NAALADL2: variants seen among roughly 807,000 people sequenced by gnomAD.
NAALADL2 encodes the protein inactive N-acetylated-alpha-linked acidic dipeptidase-like protein 2.
A neutral mutation model predicts 87.2 loss-of-function variants in NAALADL2; 76 were observed. That is an observed-to-expected ratio of 0.87 (90% confidence interval 0.72 to 1.05). NAALADL2 has a LOEUF of 1.05. Ranked by LOEUF, NAALADL2 falls within the 50% of genes least tolerant of loss-of-function variation. NAALADL2 has a pLI of 0.00. For missense variants in NAALADL2, 1,089 were observed against 945.8 expected (o/e 1.15, Z -1.99); for synonymous variants, 354 against 331.0 (o/e 1.07, Z -0.75).
intron 1 of NAALADL2, among the ~76,000 whole-genome samples, chr3:174,537,507 T>C (rs1025746850): frequency 5.3e-5 from 8 of 152,314 alleles, no homozygotes; most frequent in East Asian, 1.9e-4. Flanking sequence ...GTAGTTTACA[T>C]TGAAGACATG....
At chr3:175,754,413 AC>A (rs1746995674) in intron 12 of NAALADL2, among the ~76,000 whole-genome samples, 1 of 152,216 alleles carries the variant, frequency 6.6e-6, no homozygotes, top group Admixed American at 6.5e-5. Flanking sequence ...TCTCAGAATG[AC>A]TTTTAGTAAG....
intron 1 of NAALADL2, among the ~76,000 whole-genome samples, chr3:174,944,389 G>A (rs981380911): frequency 6.6e-6 from 1 of 152,152 alleles, no homozygotes; most frequent in Non-Finnish European, 1.5e-5. Flanking sequence ...GCCAAAGGCT[G>A]TAATGGCTAA....
At chr3:174,831,093 C>A in intron 3 of NAALADL2, among the ~76,000 whole-genome samples, 1 of 151,806 alleles carries the variant, frequency 6.6e-6, no homozygotes, top group Non-Finnish European at 1.5e-5. Context: ...ATTGAATACC[C>A]TTTATTTCCT....
chr3:174,809,959 C>T (rs549947860), intron 3 of NAALADL2, among the ~76,000 whole-genome samples: 2 of 152,202 alleles, frequency 1.3e-5, no homozygotes, highest in East Asian at 3.9e-4. Flanking sequence ...CACCTCCCCC[C>T]TCTCTTGGTC....
chr3:175,718,715 G>C (rs1931171), intron 11 of NAALADL2: 301,011 of 1,416,122 alleles, frequency 0.21, 33,596 homozygotes, highest in African/African-American at 0.36. Flanking sequence ...CACTTGAGGC[G>C]TGGAGATCAA....
chr3:175,278,507 G>C (rs904997136), intron 4 of NAALADL2, among the ~76,000 whole-genome samples: 2 of 152,136 alleles, frequency 1.3e-5, no homozygotes, highest in African/African-American at 4.8e-5. Context: ...ACTCACCATA[G>C]TGATTTTAAA....
chr3:175,227,440 A>T (rs566268558), intron 2 of NAALADL2, among the ~76,000 whole-genome samples: 65 of 152,158 alleles, frequency 4.3e-4, no homozygotes, highest in Non-Finnish European at 8.0e-4. Context: ...GGAAACCCTT[A>T]TTTTAAAAAG....
chr3:175,107,315 G>T (rs1020128566), intron 2 of NAALADL2, among the ~76,000 whole-genome samples: 1 of 151,908 alleles, frequency 6.6e-6, no homozygotes, highest in African/African-American at 2.4e-5. Context: ...CTTTAATAGG[G>T]AAAGACTGTC....
chr3:175,048,981 A>G (rs1000060780), intron 1 of NAALADL2, among the ~76,000 whole-genome samples: 1 of 152,148 alleles, frequency 6.6e-6, no homozygotes, highest in Non-Finnish European at 1.5e-5. Flanking sequence ...AAATAACAGT[A>G]TAAATTAGGG....
chr3:174,875,818 T>G (rs1485408817), intron 1 of NAALADL2, among the ~76,000 whole-genome samples: 1 of 151,960 alleles, frequency 6.6e-6, no homozygotes, highest in African/African-American at 2.4e-5. Context: ...AGGTGGAATG[T>G]TATTTGCCTA....
chr3:174,985,191 A>C (rs879656134), intron 1 of NAALADL2, among the ~76,000 whole-genome samples: 1 of 152,224 alleles, frequency 6.6e-6, no homozygotes, highest in Non-Finnish European at 1.5e-5. Flanking sequence ...ATGCTAAATA[A>C]TATTATGAGA....
chr3:174,470,454 TGTTTA>T (rs1476548422), intron 1 of NAALADL2, among the ~76,000 whole-genome samples: 1 of 152,210 alleles, frequency 6.6e-6, no homozygotes, highest in Non-Finnish European at 1.5e-5. Flanking sequence ...GTAGGTTGTC[TGTTTA>T]CTCCATTGAT....
At chr3:175,734,326 G>C (rs184545125) in intron 11 of NAALADL2, among the ~76,000 whole-genome samples, 4 of 152,114 alleles carry the variant, frequency 2.6e-5, no homozygotes, top group Admixed American at 6.5e-5. Context: ...AGGCCAAAGC[G>C]GAAGGATCAT....
At chr3:175,099,604 A>G (rs1721768238) in intron 2 of NAALADL2, among the ~76,000 whole-genome samples, 1 of 152,156 alleles carries the variant, frequency 6.6e-6, no homozygotes, top group African/African-American at 2.4e-5. Context: ...ACCTCCTAGT[A>G]GTAGCAGATC....
In NAALADL2 at chr3:175,361,860, T is replaced by A. The variant is rs1056083502; in HGVS notation, c.1090+37535T>A. Among the ~76,000 whole-genome samples, 12 of 148,340 alleles carry A rather than the reference T, an allele frequency of 8.1e-5. 1 individual carries two copies. Among genetic ancestry groups the A allele is most frequent in the Admixed American group, 2.8e-4 (4 of 14,492 alleles). ...GTAGTTTCTTTTGCTGTGCAGAAACTCTTCAGTTTAATTAGATCCCATTTG... is the reference window on the plus strand; with the variant it reads ...GTAGTTTCTTTTGCTGTGCAGAAACACTTCAGTTTAATTAGATCCCATTTG... On this transcript the variant is annotated intron_variant, in intron 5 of 13. Coordinates refer to ENST00000454872, the MANE Select transcript of NAALADL2 (RefSeq NM_207015.3).
intron 3 of NAALADL2, among the ~76,000 whole-genome samples, chr3:175,236,589 A>AG (rs1204133462): frequency 5.3e-4 from 80 of 151,188 alleles, no homozygotes; most frequent in African/African-American, 1.9e-3. Flanking sequence ...GGGGGTGGGT[A>AG]TATTAACAGA....
chr3:175,227,758 T>G (rs1744371115), intron 2 of NAALADL2, among the ~76,000 whole-genome samples: 3 of 151,970 alleles, frequency 2.0e-5, no homozygotes, highest in Admixed American at 2.0e-4. Flanking sequence ...AAACCATTTG[T>G]AGCTGTAAGA....
intron 9 of NAALADL2, among the ~76,000 whole-genome samples, chr3:175,492,846 A>G (rs1400234889): frequency 6.6e-6 from 1 of 152,158 alleles, no homozygotes; most frequent in Non-Finnish European, 1.5e-5. Context: ...CTTTATTTTC[A>G]TAACTACGTG....
At chr3:175,048,413 G>A (rs1754944786) in intron 1 of NAALADL2, among the ~76,000 whole-genome samples, 1 of 152,068 alleles carries the variant, frequency 6.6e-6, no homozygotes, top group Non-Finnish European at 1.5e-5. Context: ...TGTGATGACA[G>A]TGAGATAATG....
Sources: allele counts gnomAD v4.1 joint callset (sites outside exome capture counted in the v4.1 genomes callset), GRCh38; gene constraint gnomAD v4.1.1; transcripts MANE v1.5; gene names NCBI Gene and HGNC (gene_info 2026-07-23, HGNC 2026-07-21).